Variants in CMYA5 observed in about 807,000 individuals in gnomAD.
CMYA5 encodes cardiomyopathy associated 5.
CMYA5 carries 246 observed loss-of-function variants against 318.9 expected under a neutral mutation model. That is an observed-to-expected ratio of 0.77 (90% CI 0.70 to 0.86). The LOEUF (loss-of-function observed/expected upper bound fraction) is 0.86. CMYA5 is among the 40% of genes least tolerant of loss of function. The probability of loss-of-function intolerance (pLI) is 0.00; values close to 1 mark genes in which losing one functional copy is unlikely to be tolerated. For missense variants in CMYA5, 4,589 were observed against 4,678.2 expected (o/e 0.98, Z 0.56); for synonymous variants, 1,641 against 1,729.5 (o/e 0.95, Z 1.27).
At position 79,739,286 on chromosome 5, in the gene CMYA5, C is replaced by G. The variant is rs368200114; in HGVS notation, c.10521C>G (p.Ser3507=). ...TEKAQKELKK[S]QIDTYCYTCK... ...AGGCACAAAAAGAGCTGAAAAAGTC[C>G]CAGATTGACACATACTGTTACACCT... is the stretch of plus-strand genomic sequence containing the variant. Residue 3507 remains serine, a synonymous_variant, in exon 2 of 13, where the codon TCC becomes TCG. Coordinates refer to ENST00000446378, the MANE Select transcript of CMYA5 (RefSeq NM_153610.5). 5 of 1,607,900 alleles carry G rather than the reference C, an allele frequency of 3.1e-6. No individual in the cohort carries two copies. Among genetic ancestry groups the G allele is most frequent in the Non-Finnish European group, 3.4e-6 (4 of 1,177,232 alleles).
At chr5:79,786,395 T>C (rs766814815) in intron 9 of CMYA5, among the ~76,000 whole-genome samples, 2 of 152,366 alleles carry the variant, frequency 1.3e-5, no homozygotes, top group East Asian at 3.8e-4. Flanking sequence ...TTTCAAATTT[T>C]ATTATTGGCT....
chr5:79,749,194 T>G (rs1479289549), intron 5 of CMYA5, among the ~76,000 whole-genome samples: 2 of 152,206 alleles, frequency 1.3e-5, no homozygotes, highest in African/African-American at 4.8e-5. Flanking sequence ...AGAGTACACT[T>G]GGGCTAACCA....
intron 1 of CMYA5, among the ~76,000 whole-genome samples, chr5:79,701,032 G>T (rs1318679398): frequency 1.3e-5 from 2 of 148,530 alleles, no homozygotes; most frequent in Non-Finnish European, 3.0e-5. Context: ...ATCACTTGAG[G>T]CCAGGAGTTC....
At chr5:79,715,292 A>AT (rs1827492145) in intron 1 of CMYA5, among the ~76,000 whole-genome samples, 2 of 111,048 alleles carry the variant, frequency 1.8e-5, no homozygotes, top group African/African-American at 7.8e-5. Flanking sequence ...TAATAATAAT[A>AT]ATTTTTTTTT....
In CMYA5 at chr5:79,696,101, G is replaced by T. The variant is rs576537250; in HGVS notation, c.149+6045G>T. Among the ~76,000 whole-genome samples the T allele has an allele frequency of 3.3e-5, 5 of 152,314 alleles. No individual in the cohort carries two copies. In the East Asian group the frequency reaches 7.7e-4, roughly 23 times the overall value. On this transcript the variant is annotated intron_variant, in intron 1 of 12. Coordinates refer to ENST00000446378, the MANE Select transcript of CMYA5 (RefSeq NM_153610.5). ...CAAGTTTAGTTGGAATATTGAACTT[G>T]TTAGATCAGGTAAGATTTTTGTTGG...
intron 6 of CMYA5, among the ~76,000 whole-genome samples, chr5:79,756,213 T>C (rs1366330219): frequency 6.6e-6 from 1 of 152,222 alleles, no homozygotes; most frequent in Non-Finnish European, 1.5e-5. Context: ...TCAGGGTCTC[T>C]GACCCGTGAT....
chr5:79,741,877 ATCT>A (rs1402046251), intron 2 of CMYA5, among the ~76,000 whole-genome samples: 3 of 151,984 alleles, frequency 2.0e-5, no homozygotes, highest in African/African-American at 7.2e-5. Context: ...TTAATTCTTG[ATCT>A]TCTCTAAACA....
intron 9 of CMYA5, among the ~76,000 whole-genome samples, chr5:79,767,280 G>C (rs1283237224): frequency 2.6e-5 from 4 of 152,022 alleles, no homozygotes; most frequent in African/African-American, 7.2e-5. Context: ...TTTTTGAAGG[G>C]TTTTTTCATG....
At chr5:79,704,432 G>T (rs1477826020) in intron 1 of CMYA5, among the ~76,000 whole-genome samples, 1 of 152,046 alleles carries the variant, frequency 6.6e-6, no homozygotes, top group Non-Finnish European at 1.5e-5. Flanking sequence ...GGGTCTGAAA[G>T]CCATTCGAAC....
chr5:79,742,413 C>G (rs956805139), intron 2 of CMYA5, among the ~76,000 whole-genome samples: 1 of 152,136 alleles, frequency 6.6e-6, no homozygotes, highest in African/African-American at 2.4e-5. Flanking sequence ...TCTCGAAGTC[C>G]TGGCTACCAG....
At chr5:79,797,998 C>T (rs1035852272) in intron 12 of CMYA5, among the ~76,000 whole-genome samples, 3 of 152,172 alleles carry the variant, frequency 2.0e-5, no homozygotes, top group Non-Finnish European at 4.4e-5. Flanking sequence ...ATCATTGCTA[C>T]CTGAAACGTT....
chr5:79,726,699 G>T (rs893167704), intron 1 of CMYA5, among the ~76,000 whole-genome samples: 2 of 152,104 alleles, frequency 1.3e-5, no homozygotes, highest in Admixed American at 6.5e-5. Context: ...GCTGTGCTGA[G>T]AACTAAGGAG....
Position 79,752,726 on chromosome 5 carries a change from C to A in CMYA5, c.11042C>A (p.Ala3681Glu). 1 of 1,613,640 alleles carries A rather than the reference C, an allele frequency of 6.2e-7. No individual in the cohort carries two copies. Among genetic ancestry groups the A allele is most frequent in the Non-Finnish European group, 8.5e-7 (1 of 1,179,658 alleles). The change falls in exon 6 of 13, where the codon GCG becomes GAG. Residue 3681 changes from alanine (A) to glutamate (E), a missense_variant. This residue lies in a region of CMYA5 where 2,431 missense variants were observed against 2,495.1 expected (regional missense o/e 0.97). Coordinates refer to ENST00000446378, the MANE Select transcript of CMYA5 (RefSeq NM_153610.5). ...STASLEKMPA[A>E]FSLFEHYDDS... The stretch of plus-strand genomic sequence containing the variant: ...GCTTCTTTAGAGAAAATGCCTGCTG[C>A]GTTTTCCCTTTTCGAACATTATGAT...
intron 9 of CMYA5, among the ~76,000 whole-genome samples, chr5:79,771,509 C>T (rs1828856489): frequency 1.3e-5 from 2 of 152,222 alleles, no homozygotes; most frequent in African/African-American, 4.8e-5. Context: ...GCATAAATCA[C>T]ATCAGCACAG....
chr5:79,712,007 C>T (rs73123830), intron 1 of CMYA5, among the ~76,000 whole-genome samples: 7,141 of 152,114 alleles, frequency 0.047, 512 homozygotes, highest in African/African-American at 0.16. Context: ...TGGAGAGTGC[C>T]ATCACTGGGC....
rs1431325452 is a variant in CMYA5, at chr5:79,730,657, CAGA to C, written c.1899_1901del (p.Glu634del). On this transcript the variant is annotated inframe_deletion, in exon 2 of 13. Transcript: ENST00000446378. The stretch of plus-strand genomic sequence containing the variant: ...GCTATAGCTGAACATGCAGTTTTGT[CAGA>C]AGAAGAGAATGAGGAATTTGAGGCT... 8 of 1,613,994 alleles carry C rather than the reference CAGA, an allele frequency of 5.0e-6. No individual in the cohort carries two copies. The highest frequency in any genetic ancestry group is 1.1e-5 in the South Asian group (1 of 91,086).
chr5:79,742,667 A>G (rs1157455202), intron 2 of CMYA5, among the ~76,000 whole-genome samples: 1 of 150,836 alleles, frequency 6.6e-6, no homozygotes, highest in Non-Finnish European at 1.5e-5. Flanking sequence ...TTTGTCTGTT[A>G]TTTATTTTCT....
chr5:79,763,235 A>T, intron 9 of CMYA5, 26 bp downstream of exon 9: 1 of 1,565,942 alleles, frequency 6.4e-7, no homozygotes, highest in South Asian at 1.2e-5. Flanking sequence ...CATGGGAGAG[A>T]CTGCCCAGAG....
At position 79,738,159 on chromosome 5, in the gene CMYA5, A is replaced by G; in HGVS notation, c.9394A>G (p.Ser3132Gly). The G allele has an allele frequency of 6.2e-7, 1 of 1,613,882 alleles. No homozygotes were observed. The highest frequency in any genetic ancestry group is 2.2e-5 in the East Asian group (1 of 44,882). Residue 3132 changes from serine (S) to glycine (G), a missense_variant, in exon 2 of 13, where the codon AGC (serine) becomes GGC (glycine). Physicochemically the swap from Ser to Gly is moderately conservative, Grantham distance 56. This residue lies in a region of CMYA5 where 2,431 missense variants were observed against 2,495.1 expected (regional missense o/e 0.97). Transcript: ENST00000446378. ...HNILSHPETQSQNSADRNVSK... is the reference protein window; with the variant it reads ...HNILSHPETQGQNSADRNVSK... ...CATATTATCTCATCCAGAGACCCAAAGCCAAAACTCAGCTGACAGGAATGT... is the reference window on the plus strand; with the variant it reads ...CATATTATCTCATCCAGAGACCCAAGGCCAAAACTCAGCTGACAGGAATGT...
Sources: gnomAD v4.1 joint callset for allele counts (sites outside exome capture counted in the v4.1 genomes callset) on GRCh38, gnomAD v4.1.1 for gene constraint, gnomAD v4.1.1 regional missense constraint, MANE v1.5 for transcripts, NCBI Gene and HGNC (gene_info 2026-07-23, HGNC 2026-07-21) for gene names.